SNTG1: variants seen among roughly 807,000 people sequenced by gnomAD.
SNTG1 encodes gamma-1-syntrophin.
SNTG1 carries 39 observed loss-of-function variants against 74.7 expected under a neutral mutation model. The observed-to-expected ratio is 0.52, with a 90% CI of 0.40 to 0.68. The LOEUF is 0.68. Among genes scored for constraint, SNTG1 ranks in the 30% least tolerant of loss-of-function variants. The pLI is 0.00. For missense variants in SNTG1, 685 were observed against 609.5 expected, an observed-to-expected ratio of 1.12 and a Z score of -1.30; for synonymous variants, 254 against 217.1, an observed-to-expected ratio of 1.17 and a Z score of -1.49.
chr8:50,327,931 C>T (rs2090817334), intron 2 of SNTG1, among the ~76,000 whole-genome samples: 1 of 152,072 alleles, frequency 6.6e-6, no homozygotes, highest in African/African-American at 2.4e-5. Flanking sequence ...AGTTCAAATA[C>T]CTTCTAATAA....
Position 50,742,303 on chromosome 8 carries a change from G to A in SNTG1, c.1285-9698G>A, listed in dbSNP as rs184699481. Among the ~76,000 whole-genome samples the A allele has an allele frequency of 4.1e-3, 624 of 152,034 alleles. 2 individuals carry two copies. The highest frequency in any genetic ancestry group is 0.01 in the Middle Eastern group (3 of 294). ...AAATACGTCATGATAGATTTTAAAT[G>A]ATTGAAATTATACAAAATATCTTTT... On this transcript the variant is annotated intron_variant, in intron 17 of 18. Transcript: ENST00000642720.
intron 1 of SNTG1, among the ~76,000 whole-genome samples, chr8:50,134,963 A>G (rs911822540): frequency 6.6e-6 from 1 of 152,204 alleles, no homozygotes; most frequent in Admixed American, 6.5e-5. Flanking sequence ...AAACTGTAGC[A>G]TAGAACTGAT....
At chr8:50,109,987 G>A (rs1462065668) in intron 1 of SNTG1, among the ~76,000 whole-genome samples, 1 of 152,024 alleles carries the variant, frequency 6.6e-6, no homozygotes, top group Non-Finnish European at 1.5e-5. Flanking sequence ...TTCTGCCCAG[G>A]CTTGTGGAAT....
chr8:50,543,765 A>G (rs2094365620), intron 11 of SNTG1, among the ~76,000 whole-genome samples: 1 of 151,736 alleles, frequency 6.6e-6, no homozygotes, highest in African/African-American at 2.4e-5. Flanking sequence ...GAAGCAACCA[A>G]ATTGCTCTCT....
chr8:50,540,302 C>G (rs2094337185), intron 11 of SNTG1, among the ~76,000 whole-genome samples: 1 of 152,050 alleles, frequency 6.6e-6, no homozygotes, highest in African/African-American at 2.4e-5. Context: ...CACAAAATTT[C>G]AAAATATTTT....
At chr8:50,351,072 T>C (rs1395059278) in intron 2 of SNTG1, among the ~76,000 whole-genome samples, 1 of 152,220 alleles carries the variant, frequency 6.6e-6, no homozygotes, top group Non-Finnish European at 1.5e-5. Context: ...TTGAAGTCAG[T>C]GAGACCAAGA....
intron 3 of SNTG1, among the ~76,000 whole-genome samples, chr8:50,399,305 G>A (rs998778104): frequency 6.6e-5 from 10 of 152,172 alleles, no homozygotes; most frequent in South Asian, 4.2e-4. Context: ...GAACCCAAAA[G>A]CGAGCTCAAA....
intron 2 of SNTG1, among the ~76,000 whole-genome samples, chr8:50,311,051 C>T (rs934510509): frequency 3.3e-5 from 5 of 152,208 alleles, no homozygotes; most frequent in African/African-American, 1.2e-4. Flanking sequence ...TGATTCATTG[C>T]TTATTTCACT....
rs531619050 is a variant in SNTG1, at chr8:50,206,000, G to A, written c.-28+33365G>A. ...GTAGTATAGTTTGAAGTCAGGTAGTGTGATGCCTCCAGCTTTGTTCTTTTG... is the reference window on the plus strand; with the variant it reads ...GTAGTATAGTTTGAAGTCAGGTAGTATGATGCCTCCAGCTTTGTTCTTTTG... On this transcript the variant is annotated intron_variant, in intron 2 of 18. Transcript: ENST00000642720. Among the ~76,000 whole-genome samples, 115 of 152,272 alleles carry A rather than the reference G, an allele frequency of 7.6e-4. No homozygotes were observed. In the South Asian group the frequency reaches 0.013, roughly 17 times the overall value.
intron 17 of SNTG1, among the ~76,000 whole-genome samples, chr8:50,709,390 A>G (rs1016043460): frequency 3.9e-5 from 6 of 152,156 alleles, no homozygotes; most frequent in African/African-American, 1.2e-4. Context: ...TTTTTTAAAA[A>G]AAATTATAGC....
chr8:50,017,675 T>A (rs544771857), intron 1 of SNTG1, among the ~76,000 whole-genome samples: 2 of 152,052 alleles, frequency 1.3e-5, no homozygotes, highest in African/African-American at 4.8e-5. Flanking sequence ...AAAAAAAGCA[T>A]ACGTTATAAT....
intron 2 of SNTG1, among the ~76,000 whole-genome samples, chr8:50,292,058 A>G (rs897198034): frequency 2.0e-5 from 3 of 152,108 alleles, no homozygotes; most frequent in Admixed American, 6.6e-5. Flanking sequence ...ATAATGAAGT[A>G]GTCAGTGGGT....
chr8:50,101,558 T>G (rs2080125237), intron 1 of SNTG1, among the ~76,000 whole-genome samples: 1 of 152,030 alleles, frequency 6.6e-6, no homozygotes, highest in African/African-American at 2.4e-5. Flanking sequence ...TTATTTTATT[T>G]TATTTTATTA....
At chr8:50,570,351 A>C (rs1220001173) in intron 12 of SNTG1, among the ~76,000 whole-genome samples, 1 of 147,710 alleles carries the variant, frequency 6.8e-6, no homozygotes, top group African/African-American at 2.5e-5. Context: ...CTCCGCCTCC[A>C]GGGTTCAAGC....
intron 2 of SNTG1, among the ~76,000 whole-genome samples, chr8:50,290,094 G>C (rs1318440173): frequency 6.6e-6 from 1 of 152,130 alleles, no homozygotes; most frequent in Non-Finnish European, 1.5e-5. Context: ...CTGCTATCCA[G>C]TTTTATCTTC....
chr8:50,773,839 T>C (rs2095633383), intron 18 of SNTG1, among the ~76,000 whole-genome samples: 1 of 152,042 alleles, frequency 6.6e-6, no homozygotes, highest in Non-Finnish European at 1.5e-5. Context: ...TATTAACTGG[T>C]CTAAATGAAG....
chr8:50,176,168 C>T, intron 2 of SNTG1, among the ~76,000 whole-genome samples: 1 of 152,034 alleles, frequency 6.6e-6, no homozygotes, highest in Non-Finnish European at 1.5e-5. Context: ...ATGTCTGAGG[C>T]CTCTGCCCTT....
At chr8:50,497,020 AT>A (rs1313042765) in intron 8 of SNTG1, among the ~76,000 whole-genome samples, 2 of 152,000 alleles carry the variant, frequency 1.3e-5, no homozygotes, top group African/African-American at 4.8e-5. Flanking sequence ...CCCTGAAAAG[AT>A]TAATAAGCCT....
chr8:50,357,442 CA>C (rs1327688753), intron 2 of SNTG1, among the ~76,000 whole-genome samples: 1 of 152,216 alleles, frequency 6.6e-6, no homozygotes, highest in Non-Finnish European at 1.5e-5. Context: ...ATAAAAGCAG[CA>C]GACACAGTTC....
Sources: gnomAD v4.1 joint callset for allele counts (sites outside exome capture counted in the v4.1 genomes callset) on GRCh38, gnomAD v4.1.1 for gene constraint, MANE v1.5 for transcripts, NCBI Gene and HGNC (gene_info 2026-07-23, HGNC 2026-07-21) for gene names.